GSKIP: variants seen among roughly 807,000 people sequenced by gnomAD.
The protein encoded by GSKIP is GSK3B interacting protein.
GSKIP carries 5 observed loss-of-function variants against 11.9 expected under a neutral mutation model. The ratio of observed to expected loss-of-function variants is 0.42; its 90% CI spans 0.22 to 0.89. The LOEUF (loss-of-function observed/expected upper bound fraction) is 0.89. GSKIP is among the 40% of genes least tolerant of loss of function. The pLI is 0.29. For missense variants in GSKIP, 150 were observed against 166.6 expected (o/e 0.90, Z 0.55); for synonymous variants, 70 against 62.9 (o/e 1.11, Z -0.54).
intron 1 of GSKIP, among the ~76,000 whole-genome samples, chr14:96,366,403 T>C (rs920684411): frequency 3.9e-5 from 6 of 152,358 alleles, no homozygotes; most frequent in Admixed American, 2.6e-4. Context: ...CAGAGTATTG[T>C]GTGTTGCCTT....
At chr14:96,365,766 G>A (rs1020837910) in intron 1 of GSKIP, among the ~76,000 whole-genome samples, 1 of 151,810 alleles carries the variant, frequency 6.6e-6, no homozygotes, top group African/African-American at 2.4e-5. Context: ...CCCGAGAGGC[G>A]GAGGTTGCAG....
intron 1 of GSKIP, among the ~76,000 whole-genome samples, chr14:96,374,393 A>G (rs1218230786): frequency 6.6e-6 from 1 of 152,216 alleles, no homozygotes; most frequent in Admixed American, 6.5e-5. Context: ...GAAAACTCTA[A>G]ACCTACAGAT....
Position 96,386,514 on chromosome 14 carries a change from T to C in GSKIP, c.*830T>C, listed in dbSNP as rs1345784182. On this transcript the variant is annotated 3_prime_UTR_variant, in exon 4 of 4. Transcript: ENST00000555181. ...TTTTGGCCTGTGTTGATTCTTATTCTGAATGTGTGTTTACATAATGTACAG... is the reference window on the plus strand; with the variant it reads ...TTTTGGCCTGTGTTGATTCTTATTCCGAATGTGTGTTTACATAATGTACAG... 6.5e-6 allele frequency: 1 copy of C among 152,678 alleles called. No individual in the cohort carries two copies. Among genetic ancestry groups the C allele is most frequent in the Non-Finnish European group, 1.5e-5 (1 of 68,040 alleles). 9.5% of individuals were successfully genotyped at this position (152,678 alleles called of 1,614,324 possible).
At chr14:96,379,970 A>G (rs1226464025) in intron 2 of GSKIP, 182 bp downstream of exon 2, 1 of 152,238 alleles carries the variant, frequency 6.6e-6, no homozygotes, top group Admixed American at 6.5e-5. Context: ...TATAGTAGTC[A>G]TTTCTAAATC....
chr14:96,378,252 G>A (rs913349646), intron 1 of GSKIP, among the ~76,000 whole-genome samples: 4 of 152,136 alleles, frequency 2.6e-5, no homozygotes, highest in African/African-American at 7.2e-5. Flanking sequence ...TACTTGGGAG[G>A]TTGAGGTGGG....
At chr14:96,372,565 A>G (rs1889078824) in intron 1 of GSKIP, among the ~76,000 whole-genome samples, 1 of 152,270 alleles carries the variant, frequency 6.6e-6, no homozygotes, top group African/African-American at 2.4e-5. Flanking sequence ...ACATATGGTG[A>G]GCATGTGTCA....
At position 96,385,562 on chromosome 14, in the gene GSKIP, C is replaced by G; in HGVS notation, c.298C>G (p.Gln100Glu). 6.2e-7 allele frequency: 1 copy of G among 1,612,306 alleles called. No individual in the cohort carries two copies. Among genetic ancestry groups the G allele is most frequent in the Admixed American group, 1.7e-5 (1 of 59,956 alleles). ...TTTTGACCAGGTAGATGATCATTTA[C>G]AGACTCCCTACCATGAAACAGTCTA... ...YAFDQVDDHL[Q>E]TPYHETVYSL... The change falls in exon 4 of 4, where the codon CAG (glutamine) becomes GAG (glutamate). Residue 100 changes from glutamine (Q) to glutamate (E), a missense_variant. Transcript: ENST00000555181.
At chr14:96,382,121 A>C (rs1043981000) in intron 2 of GSKIP, 126 bp from the exon 3 acceptor site, 2 of 584,694 alleles carry the variant, frequency 3.4e-6, no homozygotes, top group African/African-American at 3.8e-5. Context: ...TATTTTTCCT[A>C]ACAATTGTTA....
At chr14:96,368,236 G>A (rs1023292714) in intron 1 of GSKIP, among the ~76,000 whole-genome samples, 22 of 149,590 alleles carry the variant, frequency 1.5e-4, no homozygotes, top group African/African-American at 5.4e-4. Flanking sequence ...AGACTGGAGT[G>A]CAGTGGCACG....
chr14:96,385,779 GT>G lies in GSKIP; in HGVS notation c.*99del. 1.0e-6 allele frequency: 1 copy of G among 966,788 alleles called. No individual in the cohort carries two copies. The highest frequency in any genetic ancestry group is 1.5e-6 in the Non-Finnish European group (1 of 665,450). 59.9% of individuals were successfully genotyped at this position (966,788 alleles called of 1,614,324 possible). A position where few individuals can be genotyped will look rare whatever the true frequency, so the allele number is the denominator to read the frequency against. On this transcript the variant is annotated 3_prime_UTR_variant, in exon 4 of 4. Transcript: ENST00000555181. Reference sequence around the variant, plus strand: ...TATGGTCATAGAAAATGCATCTTTGGTTTTGTGTTTTTATCACTTGCTTCCA... The same window carrying G: ...TATGGTCATAGAAAATGCATCTTTGGTTTGTGTTTTTATCACTTGCTTCCA...
At chr14:96,381,319 G>T (rs1365977819) in intron 2 of GSKIP, among the ~76,000 whole-genome samples, 1 of 152,174 alleles carries the variant, frequency 6.6e-6, no homozygotes, top group Non-Finnish European at 1.5e-5. Flanking sequence ...TATAACATTT[G>T]GGTCAGTTCA....
At position 96,374,452 on chromosome 14, in the gene GSKIP, C is replaced by A. The variant is rs1184559878; in HGVS notation, c.-102-5236C>A. 6.6e-5 allele frequency among the ~76,000 whole-genome samples: 10 copies of A among 152,182 alleles called. No individual in the cohort carries two copies. The East Asian group carries it at 1.9e-3, about 29-fold the overall frequency. On this transcript the variant is annotated intron_variant, in intron 1 of 3. Transcript: ENST00000555181. ...GGAAAAGAAGCATGAAAAAACTACA[C>A]CAAGAGGAACAAAGATAACAATCAC...
Position 96,386,397 on chromosome 14 carries a change from A to C in GSKIP, c.*713A>C, listed in dbSNP as rs1889491336. 1 of 152,646 alleles carries C rather than the reference A, an allele frequency of 6.6e-6. No homozygotes were observed. The highest frequency in any genetic ancestry group is 1.5e-5 in the Non-Finnish European group (1 of 68,036). The allele number at this position is 152,646 out of a possible 1,614,324, so 9.5% of individuals were successfully genotyped here. On this transcript the variant is annotated 3_prime_UTR_variant, in exon 4 of 4. Transcript: ENST00000555181. Reference sequence around the variant, plus strand: ...AAGATATCTAAGCACATAAGCAAATACAGGAACAGACTTCATTCTTTTTCT... The same window carrying C: ...AAGATATCTAAGCACATAAGCAAATCCAGGAACAGACTTCATTCTTTTTCT...
At chr14:96,374,935 CT>C (rs141612370) in intron 1 of GSKIP, among the ~76,000 whole-genome samples, 3,258 of 151,816 alleles carry the variant, frequency 0.021, 126 homozygotes, top group African/African-American at 0.074. Context: ...TATAAAAAGA[CT>C]TATCTAATCT....
intron 1 of GSKIP, among the ~76,000 whole-genome samples, 181 bp from the exon 2 acceptor site, chr14:96,379,507 A>C (rs1889290313): frequency 6.6e-6 from 1 of 152,208 alleles, no homozygotes; most frequent in South Asian, 2.1e-4. Context: ...GCTTCAACCA[A>C]CAAAAAACAA....
intron 1 of GSKIP, among the ~76,000 whole-genome samples, chr14:96,369,704 C>T (rs565777330): frequency 6.6e-6 from 1 of 152,214 alleles, no homozygotes; most frequent in South Asian, 2.1e-4. Flanking sequence ...TTGGCAGCTT[C>T]CACCTAGATT....
At chr14:96,364,683 A>T (rs1169583936) in intron 1 of GSKIP, 1 of 152,184 alleles carries the variant, frequency 6.6e-6, no homozygotes, top group African/African-American at 2.4e-5. Flanking sequence ...ATTCTCAGTA[A>T]CTTAGATTCC....
At chr14:96,376,865 G>A (rs547575126) in intron 1 of GSKIP, among the ~76,000 whole-genome samples, 32 of 152,238 alleles carry the variant, frequency 2.1e-4, no homozygotes, top group African/African-American at 7.7e-4. Flanking sequence ...AATAAACTTA[G>A]AATCCAAGTA....
intron 1 of GSKIP, among the ~76,000 whole-genome samples, chr14:96,375,614 A>G (rs1430453412): frequency 6.6e-6 from 1 of 152,050 alleles, no homozygotes; most frequent in East Asian, 1.9e-4. Flanking sequence ...TTGTATTTAT[A>G]GTAGAGATGG....
Sources: allele counts gnomAD v4.1 joint callset (sites outside exome capture counted in the v4.1 genomes callset), GRCh38; gene constraint gnomAD v4.1.1; transcripts MANE v1.5; gene names NCBI Gene and HGNC (gene_info 2026-07-23, HGNC 2026-07-21).